Variants in ETV6 observed in about 807,000 individuals in gnomAD.
ETV6 encodes transcription factor ETV6.
In ETV6, 16 loss-of-function variants were observed where a neutral mutation model predicts 51.1. The observed-to-expected ratio is 0.31, with a 90% CI of 0.21 to 0.48. The LOEUF is 0.48. Among genes scored for constraint, ETV6 ranks in the 20% least tolerant of loss-of-function variants. The pLI, the probability that ETV6 is intolerant of heterozygous loss-of-function variation, is 0.99. For synonymous variants in ETV6, 240 were observed against 224.1 expected (o/e 1.07, Z -0.64); for missense variants, 458 against 594.8 (o/e 0.77, Z 2.39).
intron 2 of ETV6, among the ~76,000 whole-genome samples, chr12:11,767,547 A>G (rs1945181387): frequency 6.6e-6 from 1 of 152,220 alleles, no homozygotes; most frequent in Non-Finnish European, 1.5e-5. Context: ...TGGGGCCAGG[A>G]GGCCAGGGTT....
chr12:11,755,781 A>G (rs1037984694), intron 2 of ETV6, among the ~76,000 whole-genome samples: 5 of 152,174 alleles, frequency 3.3e-5, no homozygotes, highest in South Asian at 2.1e-4. Context: ...ACAGCGGGAC[A>G]TTTATGGTAT....
chr12:11,704,775 TTGTGTG>T (rs58321366), intron 1 of ETV6, among the ~76,000 whole-genome samples: 9 of 149,120 alleles, frequency 6.0e-5, no homozygotes, highest in East Asian at 2.0e-4. Context: ...TCACAGGGGT[TTGTGTG>T]TGTGTGTGTG....
chr12:11,881,516 C>T (rs1947093376), intron 5 of ETV6, among the ~76,000 whole-genome samples: 1 of 152,132 alleles, frequency 6.6e-6, no homozygotes, highest in African/African-American at 2.4e-5. Context: ...CTGGTGAGGG[C>T]CCACTTTCTG....
In ETV6 at chr12:11,802,701, C is replaced by T. The variant is rs185281487; in HGVS notation, c.164-36439C>T. 7.5e-4 allele frequency among the ~76,000 whole-genome samples: 114 copies of T among 152,288 alleles called. 1 individual carries two copies. In the East Asian group the frequency reaches 0.021, roughly 28 times the overall value. The stretch of plus-strand genomic sequence containing the variant: ...TTACAATCATTTCACCTAGTTTGGA[C>T]TTCTGGTGGATTATTTTGTTCTTTG... On this transcript the variant is annotated intron_variant, in intron 2 of 7. Coordinates refer to ENST00000396373, the MANE Select transcript of ETV6 (RefSeq NM_001987.5).
chr12:11,695,754 G>A (rs1864867259), intron 1 of ETV6, among the ~76,000 whole-genome samples: 1 of 152,220 alleles, frequency 6.6e-6, no homozygotes. Context: ...ACCTAGGGGT[G>A]TGCATCCTGG....
chr12:11,750,740 A>C (rs2121058732), intron 1 of ETV6: 3 of 437,722 alleles, frequency 6.9e-6, no homozygotes, highest in Non-Finnish European at 1.3e-5. Flanking sequence ...TCAGAAGCCC[A>C]CCTCACCTTT....
At chr12:11,697,140 A>T (rs922410438) in intron 1 of ETV6, among the ~76,000 whole-genome samples, 2 of 152,230 alleles carry the variant, frequency 1.3e-5, no homozygotes, top group African/African-American at 4.8e-5. Context: ...TTAACTCATC[A>T]CTTAGGCAGT....
rs559526486 is a variant in ETV6, at chr12:11,692,845, T to G, written c.33+42685T>G. On this transcript the variant is annotated intron_variant, in intron 1 of 7. Transcript: ENST00000396373. ...CGGATGGATTGCCTGAGCCCAGGAG[T>G]TCAAGACCAGCCTGGGCAACATGAC... Among the ~76,000 whole-genome samples the G allele has an allele frequency of 2.0e-3, 303 of 150,144 alleles. 3 individuals carry two copies. Among genetic ancestry groups the G allele is most frequent in the African/African-American group, 7.2e-3 (293 of 40,780 alleles).
intron 2 of ETV6, among the ~76,000 whole-genome samples, chr12:11,794,037 A>G (rs958937564): frequency 1.8e-4 from 27 of 152,230 alleles, no homozygotes; most frequent in Non-Finnish European, 1.9e-4. Context: ...TGAAAAGCTC[A>G]GCAACCGGGC....
chr12:11,710,162 G>C (rs1004380060), intron 1 of ETV6, among the ~76,000 whole-genome samples: 17 of 152,148 alleles, frequency 1.1e-4, no homozygotes, highest in African/African-American at 3.9e-4. Context: ...AGCAAGGCCA[G>C]CTTTTTTTGG....
At chr12:11,715,161 A>G (rs1481101670) in intron 1 of ETV6, among the ~76,000 whole-genome samples, 5 of 152,176 alleles carry the variant, frequency 3.3e-5, no homozygotes, top group African/African-American at 1.2e-4. Flanking sequence ...GAGCATATAC[A>G]CTGAAAACCA....
At chr12:11,719,795 CTGG>C (rs1432994843) in intron 1 of ETV6, among the ~76,000 whole-genome samples, 2 of 152,218 alleles carry the variant, frequency 1.3e-5, no homozygotes, top group Non-Finnish European at 2.9e-5. Flanking sequence ...GGGATGAGGA[CTGG>C]TAACAGACCC....
In ETV6 at chr12:11,869,936, G is replaced by A; in HGVS notation, c.976G>A (p.Glu326Lys). 1 of 1,609,364 alleles carries A rather than the reference G, an allele frequency of 6.2e-7. No homozygotes were observed. Among genetic ancestry groups the A allele is most frequent in the East Asian group, 2.2e-5 (1 of 44,880 alleles). ...CATCATGGTCTCTGTCTCCCCGCCTGAAGAGCACGCCATGCCCATTGGGAG... is the reference window on the plus strand; with the variant it reads ...CATCATGGTCTCTGTCTCCCCGCCTAAAGAGCACGCCATGCCCATTGGGAG... Reference protein sequence around the residue: ...NHIMVSVSPPEEHAMPIGRIA... With the variant: ...NHIMVSVSPPKEHAMPIGRIA... The change falls in exon 5 of 8, where the codon GAA (glutamate) becomes AAA (lysine). Residue 326 changes from glutamate (E) to lysine (K), a missense_variant. Transcript: ENST00000396373. This position sits in a 1 kb window ranked among gnomAD's most constrained non-coding sequence, Gnocchi z 5.0.
chr12:11,732,282 G>T (rs1865613575), intron 1 of ETV6, among the ~76,000 whole-genome samples: 1 of 152,044 alleles, frequency 6.6e-6, no homozygotes, highest in African/African-American at 2.4e-5. Flanking sequence ...GCACTATATG[G>T]TGAAAAACGA....
Position 11,893,468 on chromosome 12 carries a change from C to T in ETV6, c.*2422C>T. 1 of 231,646 alleles carries T rather than the reference C, an allele frequency of 4.3e-6. No homozygotes were observed. Among genetic ancestry groups the T allele is most frequent in the Non-Finnish European group, 8.5e-6 (1 of 117,148 alleles). The allele number at this position is 231,646 out of a possible 1,614,324, so 14.3% of individuals were successfully genotyped here. A position where few individuals can be genotyped will look rare whatever the true frequency, so the allele number is the denominator to read the frequency against. ...TTAGACTTAGGATGATACCTTCAGC[C>T]ACTTGAAGAAGAAATAGAAGGCGCT... On this transcript the variant is annotated 3_prime_UTR_variant, in exon 8 of 8. Coordinates refer to ENST00000396373, the MANE Select transcript of ETV6 (RefSeq NM_001987.5).
intron 2 of ETV6, among the ~76,000 whole-genome samples, chr12:11,808,913 C>A (rs1002306991): frequency 4.6e-5 from 7 of 152,130 alleles, no homozygotes; most frequent in African/African-American, 1.7e-4. Flanking sequence ...CCTGTAATCC[C>A]AGCACTTTGG....
chr12:11,741,860 G>A lies in ETV6; in HGVS notation c.34-10590G>A, dbSNP rs142471813. Among the ~76,000 whole-genome samples the A allele has an allele frequency of 3.0e-3, 452 of 152,246 alleles. 3 individuals are homozygous for A. Among genetic ancestry groups the A allele is most frequent in the African/African-American group, 9.4e-3 (390 of 41,526 alleles). On this transcript the variant is annotated intron_variant, in intron 1 of 7. Transcript: ENST00000396373. ...ATGTCTTGATTTAAGACAGTGATTC[G>A]CAACTTTAGCTCTGCATATTGCAAT...
chr12:11,722,703 A>C (rs1227941792), intron 1 of ETV6, among the ~76,000 whole-genome samples: 1 of 152,244 alleles, frequency 6.6e-6, no homozygotes, highest in Non-Finnish European at 1.5e-5. Flanking sequence ...GCCAGGCCCT[A>C]AACTGAGAGA....
intron 5 of ETV6, among the ~76,000 whole-genome samples, chr12:11,871,548 G>A (rs1946881883): frequency 6.6e-6 from 1 of 152,116 alleles, no homozygotes; most frequent in East Asian, 1.9e-4. Context: ...GGCCCCAAGT[G>A]CACCACCAGT....
Sources: allele counts gnomAD v4.1 joint callset (sites outside exome capture counted in the v4.1 genomes callset), GRCh38; gene constraint gnomAD v4.1.1; non-coding constraint Gnocchi (gnomAD v3.1); transcripts MANE v1.5; gene names NCBI Gene and HGNC (gene_info 2026-07-23, HGNC 2026-07-21).